Variants in ZNF469 observed in about 807,000 individuals in gnomAD.
The protein encoded by ZNF469 is zinc finger protein 469.
Under a neutral mutation model 1.0 loss-of-function variants are expected in ZNF469, and 1 was observed. That is an observed-to-expected ratio of 1.00 (90% CI 0.35 to 4.73). The LOEUF is 4.73. ZNF469 is among the 30% of genes most tolerant of loss of function. The pLI, the probability that ZNF469 is intolerant of heterozygous loss-of-function variation, is 0.16. For missense variants in ZNF469, 6,100 were observed against 5,356.3 expected (o/e 1.14, Z -4.33); for synonymous variants, 2,703 against 2,363.4 (o/e 1.14, Z -4.17).
rs1466149415 is a variant in ZNF469 at position 88,432,824 on chromosome 16, A to G, written c.5354A>G (p.Gln1785Arg). The G allele has an allele frequency of 7.1e-6, 11 of 1,550,062 alleles. No individual in the cohort carries two copies. Among genetic ancestry groups the G allele is most frequent in the Non-Finnish European group, 9.6e-6 (11 of 1,146,928 alleles). ...CTCCCAGAGCCCGGCACAGCAGACCAGCCCCACCGAGGGGCCCCTGCTCCA... is the reference window on the plus strand; with the variant it reads ...CTCCCAGAGCCCGGCACAGCAGACCGGCCCCACCGAGGGGCCCCTGCTCCA... ...GFLPEPGTAD[Q>R]PHRGAPAPEA... The change falls in exon 3 of 3, where the codon CAG (glutamine) becomes CGG (arginine). Residue 1785 changes from glutamine (Q) to arginine (R), a missense_variant. Physicochemically the swap from Gln to Arg is conservative, Grantham distance 43. Coordinates refer to ENST00000565624, the MANE Select transcript of ZNF469 (RefSeq NM_001367624.2).
At chr16:88,141,609 C>G in the ZNF469 span, among the ~76,000 whole-genome samples, 1 of 152,020 alleles carries the variant, frequency 6.6e-6, no homozygotes, top group African/African-American at 2.4e-5. Flanking sequence ...GCCTCTCCCA[C>G]GGCAGTAGGG....
the ZNF469 span, among the ~76,000 whole-genome samples, chr16:88,243,714 A>ATGGGTGGATGGGTGGATAG: frequency 6.9e-6 from 1 of 145,028 alleles, no homozygotes; most frequent in African/African-American, 2.6e-5. Flanking sequence ...TGGATGGATA[A>ATGGGTGGATGGGTGGATAG]ATGGGTGGAT....
the ZNF469 span, among the ~76,000 whole-genome samples, chr16:88,267,307 GC>G: frequency 6.6e-6 from 1 of 152,184 alleles, no homozygotes; most frequent in Non-Finnish European, 1.5e-5. Context: ...CCGTTTAAGT[GC>G]CCCAGGGAGG....
At chr16:88,379,844 G>T (rs2092516453), upstream of ZNF469, among the ~76,000 whole-genome samples, 2 of 152,162 alleles carry the variant, frequency 1.3e-5, no homozygotes, top group African/African-American at 4.8e-5. Context: ...CCCTGTGAAA[G>T]GGAAGAGGCA....
At chr16:88,380,087 A>G (rs1310348035), upstream of ZNF469, among the ~76,000 whole-genome samples, 1 of 152,056 alleles carries the variant, frequency 6.6e-6, no homozygotes, top group East Asian at 1.9e-4. Context: ...GCACTCACAC[A>G]CACAAATGCA....
the ZNF469 span, among the ~76,000 whole-genome samples, chr16:88,130,221 C>A: frequency 6.6e-6 from 1 of 152,274 alleles, no homozygotes. Flanking sequence ...AGCTGTCCAG[C>A]CCTCCCTCAA....
At chr16:88,196,060 C>G in the ZNF469 span, among the ~76,000 whole-genome samples, 6 of 152,226 alleles carry the variant, frequency 3.9e-5, no homozygotes, top group African/African-American at 1.4e-4. Flanking sequence ...GACCTGTGCT[C>G]TGACTTATCC....
the ZNF469 span, among the ~76,000 whole-genome samples, chr16:88,209,161 AC>A: frequency 6.6e-6 from 1 of 151,966 alleles, no homozygotes; most frequent in Non-Finnish European, 1.5e-5. Context: ...AAAACCCTAC[AC>A]ACACACATCT....
At chr16:88,281,300 C>T in the ZNF469 span, among the ~76,000 whole-genome samples, 1 of 147,666 alleles carries the variant, frequency 6.8e-6, no homozygotes, top group East Asian at 2.1e-4. Flanking sequence ...CTGTGCCACA[C>T]TGATGCTTGG....
upstream of ZNF469, among the ~76,000 whole-genome samples, chr16:88,382,125 G>A (rs2092526828): frequency 6.6e-6 from 1 of 152,220 alleles, no homozygotes; most frequent in Admixed American, 6.5e-5. Flanking sequence ...GTGGGGGAGG[G>A]CGATCCGTCC....
At chr16:88,192,115 C>T in the ZNF469 span, 2 of 152,154 alleles carry the variant, frequency 1.3e-5, no homozygotes, top group South Asian at 2.1e-4. Flanking sequence ...AGGAAGGGCC[C>T]TCATCAGAAG....
the ZNF469 span, among the ~76,000 whole-genome samples, chr16:88,102,233 C>T: frequency 6.6e-6 from 1 of 152,146 alleles, no homozygotes; most frequent in Non-Finnish European, 1.5e-5. Flanking sequence ...AGGGCCATGC[C>T]AGGCCAGGCT....
chr16:88,299,479 T>A, the ZNF469 span, among the ~76,000 whole-genome samples: 2 of 152,204 alleles, frequency 1.3e-5, no homozygotes, highest in Non-Finnish European at 1.5e-5. Context: ...CCAGCCAGGC[T>A]GCTCCAGGAG....
At chr16:88,414,701 A>T (rs1905259980) in intron 1 of ZNF469, among the ~76,000 whole-genome samples, 1 of 152,238 alleles carries the variant, frequency 6.6e-6, no homozygotes, top group South Asian at 2.1e-4. Context: ...ACCCAGAAGG[A>T]CGTCCCAGTG....
At chr16:88,377,135 T>C in the ZNF469 span, among the ~76,000 whole-genome samples, 48 of 152,356 alleles carry the variant, frequency 3.2e-4, no homozygotes, top group African/African-American at 1.2e-3. Flanking sequence ...CTGTGTCTTC[T>C]GCACACCAGG....
chr16:88,254,246 G>A, the ZNF469 span, among the ~76,000 whole-genome samples: 1 of 152,282 alleles, frequency 6.6e-6, no homozygotes, highest in East Asian at 1.9e-4. Flanking sequence ...AATTGTCCCT[G>A]CACCATTTAT....
the ZNF469 span, among the ~76,000 whole-genome samples, chr16:88,142,464 T>A: frequency 1.3e-5 from 2 of 152,176 alleles, no homozygotes; most frequent in Non-Finnish European, 2.9e-5. Context: ...CTCAGAGTGA[T>A]GCCTAAGCGG....
At chr16:88,212,364 TTC>T in the ZNF469 span, among the ~76,000 whole-genome samples, 36 of 152,204 alleles carry the variant, frequency 2.4e-4, no homozygotes, top group Non-Finnish European at 4.4e-4. Context: ...TTCTCCTTTC[TTC>T]TGTTTCAACC....
the ZNF469 span, among the ~76,000 whole-genome samples, chr16:88,177,129 A>G: frequency 6.6e-6 from 1 of 152,158 alleles, no homozygotes; most frequent in African/African-American, 2.4e-5. The surrounding 1 kb of genome is among the most constrained non-coding windows in gnomAD (Gnocchi z 4.8). Flanking sequence ...ACATTTCTGG[A>G]CTAATTCACC....
Sources: allele counts gnomAD v4.1 joint callset (sites outside exome capture counted in the v4.1 genomes callset), GRCh38; gene constraint gnomAD v4.1.1; non-coding constraint Gnocchi (gnomAD v3.1); transcripts MANE v1.5; gene names NCBI Gene and HGNC (gene_info 2026-07-23, HGNC 2026-07-21).